Variants in ITGAM observed in about 807,000 individuals in gnomAD.
ITGAM encodes integrin subunit alpha M.
A neutral mutation model predicts 137.5 loss-of-function variants in ITGAM; 79 were observed. The ratio of observed to expected loss-of-function variants is 0.57; its 90% confidence interval spans 0.48 to 0.69. The LOEUF is 0.69. Ranked by LOEUF, ITGAM falls within the 30% of genes least tolerant of loss-of-function variation. The pLI is 0.00. For missense variants in ITGAM, 1,343 were observed against 1,483.5 expected (o/e 0.91, Z 1.56); for synonymous variants, 583 against 592.3 (o/e 0.98, Z 0.23).
chr16:31,293,020 G>A (rs927494018), intron 12 of ITGAM, among the ~76,000 whole-genome samples: 15 of 152,054 alleles, frequency 9.9e-5, no homozygotes, highest in Non-Finnish European at 2.2e-4. Context: ...ATGATTTTGA[G>A]CTTTTTTTGT....
chr16:31,300,942 C>T (rs181341534), intron 14 of ITGAM, among the ~76,000 whole-genome samples: 3 of 152,140 alleles, frequency 2.0e-5, no homozygotes, highest in Admixed American at 2.0e-4. Flanking sequence ...AGATTTTTTG[C>T]TATTGAGTTG....
At chr16:31,269,011 T>C (rs1054328308) in intron 5 of ITGAM, among the ~76,000 whole-genome samples, 1 of 152,044 alleles carries the variant, frequency 6.6e-6, no homozygotes, top group African/African-American at 2.4e-5. Context: ...GGACCAGAGT[T>C]TTATTATCAC....
intron 22 of ITGAM, 59 bp from the exon 23 acceptor site, chr16:31,328,088 G>A: frequency 7.8e-7 from 1 of 1,287,600 alleles, no homozygotes; most frequent in Non-Finnish European, 1.1e-6. Context: ...GGGAGAGGGA[G>A]GAGCAAAGAC....
Position 31,326,864 on chromosome 16 carries a change from T to TA in ITGAM, c.2639dup (p.Asn880LysfsTer5). 6.2e-7 allele frequency: 1 copy of TA among 1,611,126 alleles called. No individual in the cohort carries two copies. The highest frequency in any genetic ancestry group is 8.5e-7 in the Non-Finnish European group (1 of 1,177,222). ...CCTTTCTCTCACTCCAGGTCACCTT[T>TA]AATATCACGTTTGATGTAGACTCTA... is the stretch of plus-strand genomic sequence containing the variant. On this transcript the variant is annotated frameshift_variant, in exon 22 of 30. Transcript: ENST00000544665. LOFTEE classifies it high-confidence loss of function.
chr16:31,311,818 A>G (rs916623029), intron 14 of ITGAM, among the ~76,000 whole-genome samples: 2 of 152,208 alleles, frequency 1.3e-5, no homozygotes, highest in African/African-American at 4.8e-5. Context: ...TCATGCTGCT[A>G]TAAAGGCACA....
At chr16:31,291,009 A>G (rs1307498172) in intron 12 of ITGAM, among the ~76,000 whole-genome samples, 1 of 152,204 alleles carries the variant, frequency 6.6e-6, no homozygotes, top group Non-Finnish European at 1.5e-5. Flanking sequence ...TATAAATCAA[A>G]CGAATCATGT....
chr16:31,280,742 T>C (rs959202475), intron 12 of ITGAM, among the ~76,000 whole-genome samples: 8 of 152,202 alleles, frequency 5.3e-5, no homozygotes, highest in Non-Finnish European at 1.0e-4. Flanking sequence ...TGGCCAGAAC[T>C]TCCAACACTA....
rs185705659 is a variant in ITGAM at position 31,311,902 on chromosome 16, T to C, written c.1708-9339T>C. The stretch of plus-strand genomic sequence containing the variant: ...AACCAACCCAAATGTTCAACAATGA[T>C]AGACTGGATTAAGAAAGTGTGGCAC... On this transcript the variant is annotated intron_variant, in intron 14 of 29. Coordinates refer to ENST00000544665, the MANE Select transcript of ITGAM (RefSeq NM_000632.4). Among the ~76,000 whole-genome samples, 580 of 152,016 alleles carry C rather than the reference T, an allele frequency of 3.8e-3. 2 individuals are homozygous for C. The highest frequency in any genetic ancestry group is 6.8e-3 in the Middle Eastern group (2 of 294).
chr16:31,262,080 A>G (rs2079706105), intron 2 of ITGAM, among the ~76,000 whole-genome samples: 1 of 152,050 alleles, frequency 6.6e-6, no homozygotes, highest in Non-Finnish European at 1.5e-5. Context: ...TGTGCATAAC[A>G]CATACACGTT....
chr16:31,316,681 T>C (rs1193319338), intron 14 of ITGAM, among the ~76,000 whole-genome samples: 1 of 152,234 alleles, frequency 6.6e-6, no homozygotes, highest in South Asian at 2.1e-4. Flanking sequence ...AGGAATTACA[T>C]TGACTCTATC....
intron 5 of ITGAM, 107 bp from the exon 6 acceptor site, chr16:31,270,847 G>A: frequency 2.0e-6 from 1 of 490,140 alleles, no homozygotes; most frequent in Non-Finnish European, 3.3e-6. Flanking sequence ...ATTTTTTATA[G>A]AGACGGGGTC....
chr16:31,325,222 C>G (rs1313622515), intron 19 of ITGAM, 41 bp from the exon 20 acceptor site: 2 of 1,582,016 alleles, frequency 1.3e-6, no homozygotes, highest in Non-Finnish European at 1.7e-6. Context: ...CACAGGGAAG[C>G]CCAGCGCCCC....
chr16:31,291,144 T>A (rs775368628), intron 12 of ITGAM, among the ~76,000 whole-genome samples: 1 of 152,122 alleles, frequency 6.6e-6, no homozygotes, highest in Non-Finnish European at 1.5e-5. Flanking sequence ...AGATGTCAAT[T>A]CTCCCTGGGT....
At chr16:31,325,209 T>C in intron 19 of ITGAM, 54 bp from the exon 20 acceptor site, 2 of 1,568,572 alleles carry the variant, frequency 1.3e-6, no homozygotes, top group Non-Finnish European at 1.7e-6. Context: ...GGAGCAGGCT[T>C]GCCACAGGGA....
At chr16:31,314,454 C>T (rs1346224838) in intron 14 of ITGAM, among the ~76,000 whole-genome samples, 1 of 152,072 alleles carries the variant, frequency 6.6e-6, no homozygotes, top group Non-Finnish European at 1.5e-5. Flanking sequence ...ATATGGCTAG[C>T]CAGTTTTCCC....
intron 2 of ITGAM, among the ~76,000 whole-genome samples, chr16:31,263,886 A>T (rs2079733632): frequency 6.6e-6 from 1 of 150,886 alleles, no homozygotes; most frequent in Non-Finnish European, 1.5e-5. Flanking sequence ...TCCAGGCTGG[A>T]GTGCAGTGGA....
chr16:31,302,146 T>C (rs534110389), intron 14 of ITGAM, among the ~76,000 whole-genome samples: 3 of 152,316 alleles, frequency 2.0e-5, no homozygotes, highest in African/African-American at 7.2e-5. Flanking sequence ...ATAGCAACTA[T>C]TTCTGAGCCA....
Position 31,325,403 on chromosome 16 carries a change from A to C in ITGAM, c.2504A>C (p.Gln835Pro). 1.9e-6 allele frequency: 3 copies of C among 1,612,848 alleles called. No homozygotes were observed. Among genetic ancestry groups the C allele is most frequent in the Non-Finnish European group, 2.5e-6 (3 of 1,179,184 alleles). ...TCCTACCGGAAGGTGTCCACGCTCC[A>C]GGTAGCCACATCCTTCTCAGGCTCT... Reference protein sequence around the residue: ...DLSYRKVSTLQNQRSQRSWRL... With the variant: ...DLSYRKVSTLPNQRSQRSWRL... Residue 835 changes from glutamine to proline, a missense_variant and splice_region_variant, in exon 20 of 30, where the codon CAG becomes CCG. By Grantham distance (76) the Gln-to-Pro change is moderately conservative. Transcript: ENST00000544665.
At chr16:31,283,048 C>T (rs1382945228) in intron 12 of ITGAM, among the ~76,000 whole-genome samples, 1 of 152,138 alleles carries the variant, frequency 6.6e-6, no homozygotes, top group African/African-American at 2.4e-5. Flanking sequence ...ATATTGGCCC[C>T]CACTCTCTTC....
Sources: allele counts gnomAD v4.1 joint callset (sites outside exome capture counted in the v4.1 genomes callset), GRCh38; gene constraint gnomAD v4.1.1; transcripts MANE v1.5; gene names NCBI Gene and HGNC (gene_info 2026-07-23, HGNC 2026-07-21).